CACNA2D2: variants seen among roughly 807,000 people sequenced by gnomAD.
CACNA2D2 encodes the protein voltage-dependent calcium channel subunit alpha-2/delta-2.
Under a neutral mutation model 166.4 loss-of-function variants are expected in CACNA2D2, and 48 were observed. That is an observed-to-expected ratio of 0.29 (90% CI 0.23 to 0.37). The LOEUF is 0.37. Among genes scored for constraint, CACNA2D2 ranks in the 10% least tolerant of loss-of-function variants. The pLI is 1.00. For synonymous variants in CACNA2D2, 561 were observed against 573.7 expected, an observed-to-expected ratio of 0.98 and a Z score of 0.32; for missense variants, 1,122 against 1,433.0, an observed-to-expected ratio of 0.78 and a Z score of 3.50.
In CACNA2D2 at chr3:50,376,449, G is replaced by A. The variant is rs764799516; in HGVS notation, c.1627-261C>T. 7.9e-5 allele frequency among the ~76,000 whole-genome samples: 12 copies of A among 152,056 alleles called. No homozygotes were observed. The highest frequency in any genetic ancestry group is 1.6e-4 in the Non-Finnish European group (11 of 67,996). On this transcript the variant is annotated intron_variant, in intron 17 of 37. Transcript: ENST00000424201. This position sits in a 1 kb window ranked among gnomAD's most constrained non-coding sequence, Gnocchi z 4.3. ...CTGCAGTCCTCATCCTCTCCCCCTGGTTCTCATGAGCTGTCAGTTGTCCTG... is the reference window on the plus strand; with the variant it reads ...CTGCAGTCCTCATCCTCTCCCCCTGATTCTCATGAGCTGTCAGTTGTCCTG...
chr3:50,453,303 G>A (rs933603455), intron 2 of CACNA2D2, among the ~76,000 whole-genome samples: 1 of 152,190 alleles, frequency 6.6e-6, no homozygotes, highest in African/African-American at 2.4e-5. Flanking sequence ...CTCTCCATCT[G>A]TACTGCACAT....
chr3:50,366,111 T>C lies in CACNA2D2; in HGVS notation c.2762A>G (p.Asn921Ser), dbSNP rs1482279356. ...VDANLMLALYNNSFYTRKESY... is the reference protein window; with the variant it reads ...VDANLMLALYSNSFYTRKESY... Reference sequence around the variant, plus strand: ...CTCCTTGCGGGTGTAGAAGGAGTTATTGTAGAGTGCCAGCATCAGGTTGGC... The same window carrying C: ...CTCCTTGCGGGTGTAGAAGGAGTTACTGTAGAGTGCCAGCATCAGGTTGGC... The change falls in exon 32 of 38, where the codon AAT becomes AGT. Residue 921 changes from asparagine to serine, a missense_variant. Transcript: ENST00000424201. The surrounding 1 kb of genome is among the most constrained non-coding windows in gnomAD (Gnocchi z 5.9). 3.1e-6 allele frequency: 5 copies of C among 1,613,778 alleles called. No individual in the cohort carries two copies. The highest frequency in any genetic ancestry group is 3.3e-5 in the Admixed American group (2 of 59,998).
At chr3:50,455,240 C>A (rs558875097) in intron 2 of CACNA2D2, among the ~76,000 whole-genome samples, 1 of 152,366 alleles carries the variant, frequency 6.6e-6, no homozygotes, top group Non-Finnish European at 1.5e-5. Flanking sequence ...GGACAAGCAC[C>A]GGAGGCATTT....
intron 1 of CACNA2D2, among the ~76,000 whole-genome samples, chr3:50,476,841 C>T (rs2107094747): frequency 6.6e-6 from 1 of 152,246 alleles, no homozygotes; most frequent in Admixed American, 6.5e-5. Flanking sequence ...CACTGCAGAC[C>T]ATCCTGCCTC....
chr3:50,503,334 G>C lies in CACNA2D2; in HGVS notation c.90C>G (p.Gly30=). 2.4e-6 allele frequency: 1 copy of C among 408,912 alleles called. No individual in the cohort carries two copies. 25.3% of individuals were successfully genotyped at this position (408,912 alleles called of 1,614,324 possible). ...RPWPGCGPHP[G]PGTRRPTSGP... ...CGGACGTCGGGCGCCGGGTGCCGGG[G>C]CCAGGGTGGGGGCCGCAGCCGGGCC... Residue 30 remains glycine, a synonymous_variant, in exon 1 of 38, where the codon GGC becomes GGG. Transcript: ENST00000424201.
At position 50,381,131 on chromosome 3, in the gene CACNA2D2, G is replaced by A. The variant is rs888934719; in HGVS notation, c.653-5C>T. ...GCTCATTGAGGATGACAGTGGCTGG[G>A]GGGAAGCGGGGAGCTGGGGTGGGGA... On this transcript the variant is annotated splice_region_variant and splice_polypyrimidine_tract_variant and intron_variant, in intron 6 of 37. Transcript: ENST00000424201. The A allele has an allele frequency of 1.9e-6, 3 of 1,613,594 alleles. No individual in the cohort carries two copies. Among genetic ancestry groups the A allele is most frequent in the Non-Finnish European group, 1.7e-6 (2 of 1,179,826 alleles).
intron 3 of CACNA2D2, among the ~76,000 whole-genome samples, chr3:50,395,246 C>T (rs1446051743): frequency 6.6e-6 from 1 of 152,224 alleles, no homozygotes. Flanking sequence ...CACAGTGTGC[C>T]TGGCATGGAG....
intron 2 of CACNA2D2, among the ~76,000 whole-genome samples, chr3:50,451,283 G>A (rs1709092172): frequency 1.3e-5 from 2 of 152,114 alleles, no homozygotes; most frequent in African/African-American, 2.4e-5. Context: ...GCGCCACCAT[G>A]CCCAGCTAAT....
rs1245901196 is a variant in CACNA2D2, at chr3:50,367,606, A to C, written c.2297+36T>G. 8.1e-6 allele frequency: 13 copies of C among 1,607,908 alleles called. No homozygotes were observed. Among genetic ancestry groups the C allele is most frequent in the Non-Finnish European group, 1.1e-5 (13 of 1,175,152 alleles). On this transcript the variant is annotated intron_variant, in intron 26 of 37. Coordinates refer to ENST00000424201, the MANE Select transcript of CACNA2D2 (RefSeq NM_006030.4). This position sits in a 1 kb window ranked among gnomAD's most constrained non-coding sequence, Gnocchi z 6.5. ...GCAGAACAGATGCAGGTTCCCTGGC[A>C]GGGGCAGGGTTTGGGTAGTGGGATA...
chr3:50,451,481 C>A (rs956176408), intron 2 of CACNA2D2, among the ~76,000 whole-genome samples: 2 of 152,094 alleles, frequency 1.3e-5, no homozygotes, highest in Admixed American at 6.6e-5. Flanking sequence ...TGAACACTAC[C>A]AGTCATCCTG....
chr3:50,367,708 G>A lies in CACNA2D2; in HGVS notation c.2235-4C>T. 6.2e-7 allele frequency: 1 copy of A among 1,612,610 alleles called. No homozygotes were observed. The highest frequency in any genetic ancestry group is 8.5e-7 in the Non-Finnish European group (1 of 1,179,162). ...GAACACGGCCAGTAGGCTGTACCTG[G>A]GGGTAGCAGGGGGGTGGGGTCACAG... is the stretch of plus-strand genomic sequence containing the variant. On this transcript the variant is annotated splice_polypyrimidine_tract_variant and splice_region_variant and intron_variant, in intron 25 of 37. Transcript: ENST00000424201. The surrounding 1 kb of genome is among the most constrained non-coding windows in gnomAD (Gnocchi z 6.5).
intron 4 of CACNA2D2, among the ~76,000 whole-genome samples, chr3:50,391,071 G>A (rs1705865118): frequency 6.6e-6 from 1 of 152,234 alleles, no homozygotes; most frequent in East Asian, 1.9e-4. Flanking sequence ...CCCTATGGCT[G>A]GGTCAGACCC....
Position 50,365,821 on chromosome 3 carries a change from A to T in CACNA2D2, c.2904T>A (p.Ser968=). The part of the protein sequence containing the change: ...ADFLNLAWWT[S]AAAWSLFQQL... ...CGCTCAGGACTCACCAGGCGGCAGC[A>T]GAGGTCCACCAGGCCAGGTTAAGGA... Residue 968 remains serine (S), a synonymous_variant, in exon 33 of 38, where the codon TCT becomes TCA. Coordinates refer to ENST00000424201, the MANE Select transcript of CACNA2D2 (RefSeq NM_006030.4). The surrounding 1 kb of genome is among the most constrained non-coding windows in gnomAD (Gnocchi z 4.5). 6.2e-7 allele frequency: 1 copy of T among 1,613,504 alleles called. No homozygotes were observed. Among genetic ancestry groups the T allele is most frequent in the Non-Finnish European group, 8.5e-7 (1 of 1,180,028 alleles).
rs1705943864 is a variant in CACNA2D2 at position 50,392,711 on chromosome 3, C to G, written c.465+1398G>C. Among the ~76,000 whole-genome samples the G allele has an allele frequency of 2.0e-5, 3 of 152,198 alleles. No homozygotes were observed. In the South Asian group the frequency reaches 6.2e-4, roughly 31 times the overall value. ...ATGTGTGCAGTGATTCCTTCACACC[C>G]CATAGCTGAGCTCACAGGCAGCACT... On this transcript the variant is annotated intron_variant, in intron 4 of 37. Transcript: ENST00000424201.
chr3:50,365,699 C>T lies in CACNA2D2; in HGVS notation c.2916-11G>A. The stretch of plus-strand genomic sequence containing the variant: ...TGCTGGAACAGGGACCTGCAGCGCA[C>T]GGGGAGCCGAGTGCAGGTGGTCAGC... On this transcript the variant is annotated splice_polypyrimidine_tract_variant and intron_variant, in intron 33 of 37. Coordinates refer to ENST00000424201, the MANE Select transcript of CACNA2D2 (RefSeq NM_006030.4). The surrounding 1 kb of genome is among the most constrained non-coding windows in gnomAD (Gnocchi z 4.5). The T allele has an allele frequency of 6.3e-7, 1 of 1,591,732 alleles. No individual in the cohort carries two copies. The highest frequency in any genetic ancestry group is 1.3e-5 in the African/African-American group (1 of 74,836).
At position 50,376,136 on chromosome 3, in the gene CACNA2D2, A is replaced by T; in HGVS notation, c.1679T>A (p.Leu560Gln). The T allele has an allele frequency of 6.2e-7, 1 of 1,613,492 alleles. No individual in the cohort carries two copies. The highest frequency in any genetic ancestry group is 8.5e-7 in the Non-Finnish European group (1 of 1,179,994). Residue 560 changes from leucine to glutamine, a missense_variant, in exon 18 of 38, where the codon CTG (leucine) becomes CAG (glutamine). Physicochemically the swap from Leu to Gln is moderately radical, Grantham distance 113. Transcript: ENST00000424201. The surrounding 1 kb of genome is among the most constrained non-coding windows in gnomAD (Gnocchi z 4.3). ...FAIDLNGYVLLHPNLKPQTTN... is the reference protein window; with the variant it reads ...FAIDLNGYVLQHPNLKPQTTN... ...CACCTGGGGCTTGAGATTGGGGTGCAGCAACACGTAGCCGTTCAGGTCAAT... is the reference window on the plus strand; with the variant it reads ...CACCTGGGGCTTGAGATTGGGGTGCTGCAACACGTAGCCGTTCAGGTCAAT...
intron 3 of CACNA2D2, among the ~76,000 whole-genome samples, chr3:50,395,880 C>G (rs1706125432): frequency 6.6e-6 from 1 of 152,122 alleles, no homozygotes; most frequent in Non-Finnish European, 1.5e-5. Context: ...AGGCTGGGGT[C>G]CCGGGAGCAG....
chr3:50,405,731 G>GC lies in CACNA2D2; in HGVS notation c.406-11564dup, dbSNP rs542276027. 2.9e-3 allele frequency among the ~76,000 whole-genome samples: 446 copies of GC among 152,242 alleles called. 3 individuals carry two copies. The highest frequency in any genetic ancestry group is 9.9e-3 in the African/African-American group (412 of 41,546). ...AGACAACAAGGTCAGGGGCCCACTG[G>GC]CCCCCCCATACAAAGGGGGAACTGA... On this transcript the variant is annotated intron_variant, in intron 3 of 37. Coordinates refer to ENST00000424201, the MANE Select transcript of CACNA2D2 (RefSeq NM_006030.4).
chr3:50,374,819 G>C lies in CACNA2D2; in HGVS notation c.1908-6C>G, dbSNP rs200831326. On this transcript the variant is annotated splice_polypyrimidine_tract_variant and splice_region_variant and intron_variant, in intron 21 of 37. Transcript: ENST00000424201. Reference sequence around the variant, plus strand: ...GTGGGAGCACCAGCCCCAGGCTGAGGGGGGAGAAGCTCGGGTCACGGCTGG... The same window carrying C: ...GTGGGAGCACCAGCCCCAGGCTGAGCGGGGAGAAGCTCGGGTCACGGCTGG... 6.9e-5 allele frequency: 110 copies of C among 1,585,974 alleles called. No homozygotes were observed. The African/African-American group carries it at 8.2e-4, about 12-fold the overall frequency.
Sources: gnomAD v4.1 joint callset for allele counts (sites outside exome capture counted in the v4.1 genomes callset) on GRCh38, gnomAD v4.1.1 for gene constraint, Gnocchi (gnomAD v3.1) non-coding constraint, MANE v1.5 for transcripts, NCBI Gene and HGNC (gene_info 2026-07-23, HGNC 2026-07-21) for gene names.